Variants in CDKAL1 observed in about 807,000 individuals in gnomAD.
CDKAL1 encodes CDKAL1 threonylcarbamoyladenosine tRNA methylthiotransferase.
Under a neutral mutation model 68.2 loss-of-function variants are expected in CDKAL1, and 32 were observed. That is an observed-to-expected ratio of 0.47 (90% CI 0.35 to 0.63). The LOEUF is 0.63. Among genes scored for constraint, CDKAL1 ranks in the 30% least tolerant of loss-of-function variants. The pLI, the probability that CDKAL1 is intolerant of heterozygous loss-of-function variation, is 0.00. For missense variants in CDKAL1, 606 were observed against 696.7 expected, an observed-to-expected ratio of 0.87 and a Z score of 1.47; for synonymous variants, 234 against 244.3, an observed-to-expected ratio of 0.96 and a Z score of 0.39.
chr6:21,053,980 A>C (rs565034016), intron 11 of CDKAL1, among the ~76,000 whole-genome samples: 29 of 152,260 alleles, frequency 1.9e-4, no homozygotes, highest in African/African-American at 6.7e-4. Flanking sequence ...TTTTACTTTT[A>C]CGGATTGTGC....
In CDKAL1 at chr6:21,095,052, A is replaced by G. The variant is rs186298746; in HGVS notation, c.1237-13349A>G. ...ATGAAAAAAACAGAAAGCATACAGT[A>G]TACGCAATAAGTGGATGGTTAGGAC... On this transcript the variant is annotated intron_variant, in intron 12 of 15. Coordinates refer to ENST00000274695, the MANE Select transcript of CDKAL1 (RefSeq NM_017774.3). 3.8e-3 allele frequency among the ~76,000 whole-genome samples: 582 copies of G among 152,332 alleles called. 2 individuals are homozygous for G. Among genetic ancestry groups the G allele is most frequent in the Non-Finnish European group, 6.0e-3 (411 of 68,024 alleles).
intron 9 of CDKAL1, among the ~76,000 whole-genome samples, chr6:20,874,293 T>TTTTG (rs955723399): frequency 4.9e-5 from 6 of 123,016 alleles, no homozygotes; most frequent in Non-Finnish European, 1.0e-4. Flanking sequence ...TAGCAAGTTT[T>TTTTG]TTTGTTTGTT....
chr6:20,948,440 T>A (rs375391038), intron 9 of CDKAL1, among the ~76,000 whole-genome samples: 4 of 152,236 alleles, frequency 2.6e-5, no homozygotes, highest in African/African-American at 9.6e-5. Flanking sequence ...GAAAAATCCT[T>A]TGCTTTTTTA....
chr6:21,028,590 C>G (rs1465171841), intron 11 of CDKAL1, among the ~76,000 whole-genome samples: 2 of 152,098 alleles, frequency 1.3e-5, no homozygotes, highest in Non-Finnish European at 2.9e-5. Flanking sequence ...GACACCAATT[C>G]TATCAGCTCA....
chr6:20,794,045 G>A (rs943522141), intron 8 of CDKAL1, among the ~76,000 whole-genome samples: 1 of 151,576 alleles, frequency 6.6e-6, no homozygotes, highest in African/African-American at 2.4e-5. Flanking sequence ...GAGACCTGTA[G>A]ATCCTAGACG....
chr6:21,130,762 G>A (rs1397924852), intron 13 of CDKAL1, among the ~76,000 whole-genome samples: 2 of 152,104 alleles, frequency 1.3e-5, no homozygotes, highest in Non-Finnish European at 2.9e-5. Flanking sequence ...AGGTCTCAGG[G>A]AACTGCCACC....
chr6:20,785,530 C>G (rs1315606780), intron 8 of CDKAL1, among the ~76,000 whole-genome samples: 1 of 152,032 alleles, frequency 6.6e-6, no homozygotes, highest in Non-Finnish European at 1.5e-5. Context: ...CCAGGCTGGT[C>G]TCGAACTCCT....
At chr6:21,145,121 T>C (rs1776104996) in intron 13 of CDKAL1, among the ~76,000 whole-genome samples, 2 of 152,174 alleles carry the variant, frequency 1.3e-5, no homozygotes, top group Admixed American at 1.3e-4. Flanking sequence ...ATGGAGCTCA[T>C]TTGCATGCAC....
chr6:20,936,504 C>T (rs1763721823), intron 9 of CDKAL1, among the ~76,000 whole-genome samples: 1 of 151,556 alleles, frequency 6.6e-6, no homozygotes, highest in Non-Finnish European at 1.5e-5. Context: ...CCCGCCTCGG[C>T]CTCCCAAAGT....
intron 5 of CDKAL1, among the ~76,000 whole-genome samples, chr6:20,729,009 G>T (rs1772783186): frequency 6.6e-6 from 1 of 152,144 alleles, no homozygotes; most frequent in Non-Finnish European, 1.5e-5. Flanking sequence ...GATTAAACAG[G>T]AAGTGTTAAA....
chr6:20,849,399 C>A (rs974974675), intron 9 of CDKAL1, among the ~76,000 whole-genome samples: 1 of 151,882 alleles, frequency 6.6e-6, no homozygotes, highest in African/African-American at 2.4e-5. Context: ...CTAACTAACA[C>A]AGTAAAACCC....
chr6:20,780,628 C>T (rs1775376366), intron 7 of CDKAL1, among the ~76,000 whole-genome samples: 2 of 151,020 alleles, frequency 1.3e-5, no homozygotes, highest in South Asian at 4.2e-4. Flanking sequence ...GCAAGTAGGC[C>T]CTGAATACAG....
chr6:20,620,602 A>G (rs1446266904), intron 4 of CDKAL1, among the ~76,000 whole-genome samples: 1 of 152,156 alleles, frequency 6.6e-6, no homozygotes, highest in Non-Finnish European at 1.5e-5. Flanking sequence ...TTACTTCTGG[A>G]CATTTGATAG....
chr6:20,941,292 G>A (rs1234892490), intron 9 of CDKAL1, among the ~76,000 whole-genome samples: 1 of 151,996 alleles, frequency 6.6e-6, no homozygotes, highest in Non-Finnish European at 1.5e-5. Flanking sequence ...GAGATTTTTG[G>A]TTGGTACTAC....
chr6:20,976,792 A>C (rs1030432655), intron 10 of CDKAL1, among the ~76,000 whole-genome samples: 1 of 152,200 alleles, frequency 6.6e-6, no homozygotes, highest in African/African-American at 2.4e-5. Context: ...TATTTTGCCC[A>C]ACAGAATGTC....
At chr6:21,045,807 G>A (rs912917648) in intron 11 of CDKAL1, among the ~76,000 whole-genome samples, 2 of 152,194 alleles carry the variant, frequency 1.3e-5, no homozygotes, top group African/African-American at 2.4e-5. Flanking sequence ...ATAACTTCAT[G>A]TGGGTATTTT....
At chr6:20,940,121 T>C (rs1763900924) in intron 9 of CDKAL1, among the ~76,000 whole-genome samples, 1 of 152,148 alleles carries the variant, frequency 6.6e-6, no homozygotes, top group African/African-American at 2.4e-5. Flanking sequence ...CACAAAATGA[T>C]TGTTGTACAG....
chr6:20,604,381 C>T (rs558648952), intron 4 of CDKAL1, among the ~76,000 whole-genome samples: 6 of 152,306 alleles, frequency 3.9e-5, no homozygotes, highest in East Asian at 3.9e-4. Context: ...AGGAACCAGC[C>T]AGCCATCTGC....
chr6:21,138,978 T>C (rs901608837), intron 13 of CDKAL1, among the ~76,000 whole-genome samples: 12 of 152,254 alleles, frequency 7.9e-5, no homozygotes, highest in African/African-American at 2.9e-4. Flanking sequence ...CAGTCAAGCC[T>C]GCTTTCAAGA....
Sources: allele counts gnomAD v4.1 joint callset (sites outside exome capture counted in the v4.1 genomes callset), GRCh38; gene constraint gnomAD v4.1.1; transcripts MANE v1.5; gene names NCBI Gene and HGNC (gene_info 2026-07-23, HGNC 2026-07-21).